Variants in NEBL observed in about 807,000 individuals in gnomAD.
NEBL encodes nebulette, also known as LIM and SH3 protein 2.
In NEBL, 122 loss-of-function variants were observed where a neutral mutation model predicts 140.2. That is an observed-to-expected ratio of 0.87 (90% CI 0.75 to 1.01). The LOEUF (loss-of-function observed/expected upper bound fraction) is 1.01. Ranked by LOEUF, NEBL falls within the 50% of genes least tolerant of loss-of-function variation. The pLI is 0.00. For missense variants in NEBL, 1,365 were observed against 1,231.3 expected, an observed-to-expected ratio of 1.11 and a Z score of -1.62; for synonymous variants, 436 against 398.9, an observed-to-expected ratio of 1.09 and a Z score of -1.11.
intron 26 of NEBL, among the ~76,000 whole-genome samples, chr10:20,800,671 T>C (rs552758247): frequency 2.9e-4 from 44 of 152,212 alleles, no homozygotes; most frequent in Middle Eastern, 3.4e-3. Flanking sequence ...TCTGCTCTTC[T>C]GCATAAACGA....
intron 11 of NEBL, among the ~76,000 whole-genome samples, chr10:20,847,959 T>C (rs985927388): frequency 3.3e-5 from 5 of 152,218 alleles, no homozygotes; most frequent in African/African-American, 9.6e-5. Flanking sequence ...AGCATGTTTA[T>C]GTAAAATTAA....
chr10:21,144,693 C>T, intron 2 of NEBL, among the ~76,000 whole-genome samples: 1 of 151,970 alleles, frequency 6.6e-6, no homozygotes, highest in East Asian at 1.9e-4. Flanking sequence ...TGTCACTGCA[C>T]TCCAGCCTGG....
chr10:21,138,991 T>C (rs1216835760), intron 2 of NEBL, among the ~76,000 whole-genome samples: 1 of 152,256 alleles, frequency 6.6e-6, no homozygotes, highest in Non-Finnish European at 1.5e-5. Flanking sequence ...GATGTTCTTA[T>C]ACGTGATCTA....
intron 3 of NEBL, among the ~76,000 whole-genome samples, chr10:20,992,569 C>T (rs1351523372): frequency 6.6e-6 from 1 of 152,084 alleles, no homozygotes; most frequent in African/African-American, 2.4e-5. Context: ...CTCTTATCAG[C>T]AGATTTAATA....
chr10:21,066,326 G>A (rs944899129), intron 2 of NEBL, among the ~76,000 whole-genome samples: 11 of 152,032 alleles, frequency 7.2e-5, no homozygotes, highest in African/African-American at 9.7e-5. Context: ...TCATGAATAC[G>A]GTAATCACCA....
intron 2 of NEBL, chr10:21,029,052 AG>A: frequency 1.0e-6 from 1 of 976,808 alleles, no homozygotes; most frequent in Non-Finnish European, 1.6e-6. Context: ...TCTCCCTAAC[AG>A]ACTTTCTAGC....
intron 20 of NEBL, 52 bp from the exon 21 acceptor site, chr10:20,817,744 A>T (rs1170740470): frequency 7.2e-6 from 10 of 1,386,176 alleles, no homozygotes; most frequent in Non-Finnish European, 1.0e-5. Context: ...GCTCCACTGA[A>T]ATACCACAAA....
At chr10:20,834,902 C>T in intron 14 of NEBL, among the ~76,000 whole-genome samples, 1 of 152,144 alleles carries the variant, frequency 6.6e-6, no homozygotes, top group Non-Finnish European at 1.5e-5. Flanking sequence ...CCCAGCCTGT[C>T]ACAGAATTTA....
intron 3 of NEBL, among the ~76,000 whole-genome samples, chr10:21,190,521 T>A (rs1451334749): frequency 6.6e-5 from 10 of 152,144 alleles, no homozygotes; most frequent in Admixed American, 6.5e-4. Context: ...CTGGATCTGG[T>A]ACATCTCTGA....
intron 4 of NEBL, among the ~76,000 whole-genome samples, chr10:20,930,977 T>C (rs570215426): frequency 2.3e-3 from 350 of 152,316 alleles, no homozygotes; most frequent in African/African-American, 7.9e-3. Context: ...AACAAACGCC[T>C]GTACCTTTAC....
rs369135165 is a variant in NEBL at position 21,221,010 on chromosome 10, G to A, written n.348+26911C>T. ...TGTCTACAAAAAATTTTAAAAATTA[G>A]CCAGGCGTAGTGGCATGCACCTGGA... is the stretch of plus-strand genomic sequence containing the variant. On this transcript the variant is annotated intron_variant and non_coding_transcript_variant, in intron 3 of 8. Transcript: ENST00000675702. Among the ~76,000 whole-genome samples the A allele has an allele frequency of 9.3e-4, 142 of 152,158 alleles. 1 individual carries two copies. The highest frequency in any genetic ancestry group is 1.1e-3 in the Non-Finnish European group (75 of 68,006).
At chr10:20,899,473 G>T, upstream of NEBL, 1 of 1,267,132 alleles carries the variant, frequency 7.9e-7, no homozygotes, top group Non-Finnish European at 1.0e-6. Context: ...AAGCTGTTGA[G>T]ATTTAATGCA....
intron 2 of NEBL, among the ~76,000 whole-genome samples, chr10:21,150,176 A>C (rs1216553038): frequency 2.0e-5 from 3 of 152,236 alleles, no homozygotes; most frequent in African/African-American, 7.2e-5. Context: ...TTACAAAATA[A>C]ATAAATAAAA....
At chr10:21,027,058 C>T (rs1349893197) in intron 2 of NEBL, among the ~76,000 whole-genome samples, 10 of 152,130 alleles carry the variant, frequency 6.6e-5, no homozygotes, top group Non-Finnish European at 1.5e-4. Flanking sequence ...CTGGAACAAG[C>T]GTCTTGCTTC....
intron 2 of NEBL, among the ~76,000 whole-genome samples, chr10:21,142,749 C>A (rs1839696541): frequency 6.6e-6 from 1 of 152,120 alleles, no homozygotes; most frequent in Non-Finnish European, 1.5e-5. Flanking sequence ...TAGAGTCTCA[C>A]AGGAGCATGG....
intron 3 of NEBL, among the ~76,000 whole-genome samples, chr10:21,201,945 TGGA>T (rs1456905895): frequency 1.3e-5 from 2 of 152,236 alleles, no homozygotes; most frequent in African/African-American, 4.8e-5. Context: ...GAATATTCTA[TGGA>T]GGAGCTTGTG....
intron 4 of NEBL, among the ~76,000 whole-genome samples, chr10:20,953,622 A>T (rs976731162): frequency 6.6e-6 from 1 of 150,642 alleles, no homozygotes; most frequent in Non-Finnish European, 1.5e-5. Context: ...AAAATAAATT[A>T]TCCTGCTTTA....
At chr10:20,955,562 A>AAAT (rs1432231976) in intron 4 of NEBL, among the ~76,000 whole-genome samples, 1 of 152,210 alleles carries the variant, frequency 6.6e-6, no homozygotes, top group South Asian at 2.1e-4. Flanking sequence ...ATAAGGTGAA[A>AAAT]AATAGTCATT....
chr10:20,810,595 C>T (rs1193561997), intron 24 of NEBL, among the ~76,000 whole-genome samples: 1 of 152,114 alleles, frequency 6.6e-6, no homozygotes, highest in Non-Finnish European at 1.5e-5. Flanking sequence ...TGGATCCCTG[C>T]CATAGTCAGT....
Sources: allele counts gnomAD v4.1 joint callset (sites outside exome capture counted in the v4.1 genomes callset), GRCh38; gene constraint gnomAD v4.1.1; transcripts MANE v1.5; gene names NCBI Gene and HGNC (gene_info 2026-07-23, HGNC 2026-07-21).